Variants in SLC44A4 observed in about 807,000 individuals in gnomAD.
SLC44A4 encodes the protein solute carrier family 44 member 4.
In SLC44A4, 74 loss-of-function variants were observed where a neutral mutation model predicts 97.0. That is an observed-to-expected ratio of 0.76 (90% CI 0.63 to 0.93). The LOEUF (loss-of-function observed/expected upper bound fraction) is 0.93. SLC44A4 is among the 40% of genes least tolerant of loss of function. The pLI, the probability that SLC44A4 is intolerant of heterozygous loss-of-function variation, is 0.00. For missense variants in SLC44A4, 799 were observed against 902.9 expected (o/e 0.88, Z 1.48); for synonymous variants, 325 against 363.8 (o/e 0.89, Z 1.21).
chr6:31,878,993 G>C lies in SLC44A4; in HGVS notation c.-13C>G. ...GCTTTCCCCCCATGGCTCAGTCTCC[G>C]GAGTGATTGGAGCCCTGGAGACCTG... On this transcript the variant is annotated 5_prime_UTR_variant, in exon 1 of 21. Coordinates refer to ENST00000229729, the MANE Select transcript of SLC44A4 (RefSeq NM_025257.3). The surrounding 1 kb of genome is among the most constrained non-coding windows in gnomAD (Gnocchi z 4.0). 3.1e-6 allele frequency: 5 copies of C among 1,612,958 alleles called. No individual in the cohort carries two copies. Among genetic ancestry groups the C allele is most frequent in the Non-Finnish European group, 3.4e-6 (4 of 1,179,822 alleles).
rs993488155 is a variant in SLC44A4 at position 31,878,830 on chromosome 6, G to A, written c.40+111C>T. 3.0e-6 allele frequency: 4 copies of A among 1,314,114 alleles called. No homozygotes were observed. Among genetic ancestry groups the A allele is most frequent in the African/African-American group, 2.9e-5 (2 of 68,890 alleles). The allele number at this position is 1,314,114 out of a possible 1,614,324, so 81.4% of individuals were successfully genotyped here. On this transcript the variant is annotated intron_variant, in intron 1 of 20. Transcript: ENST00000229729. The surrounding 1 kb of genome is among the most constrained non-coding windows in gnomAD (Gnocchi z 4.0). ...CCCGGTTCCCGGGCCCTCCCCTCAGGGACACAGTACTCTCCTTAGTTCCTC... is the reference window on the plus strand; with the variant it reads ...CCCGGTTCCCGGGCCCTCCCCTCAGAGACACAGTACTCTCCTTAGTTCCTC...
Position 31,875,044 on chromosome 6 carries a change from G to C in SLC44A4, c.243-16C>G. On this transcript the variant is annotated splice_polypyrimidine_tract_variant and intron_variant, in intron 4 of 20. Transcript: ENST00000229729. ...CGGCTTATCTCTGTGGGAGGGGAGG[G>C]ACCATGTGCATCAGGGCCTGGTCAG... The C allele has an allele frequency of 8.9e-5, 140 of 1,568,296 alleles. No individual in the cohort carries two copies. Among genetic ancestry groups the C allele is most frequent in the Non-Finnish European group, 1.1e-4 (127 of 1,141,210 alleles).
intron 10 of SLC44A4, 45 bp from the exon 11 acceptor site, chr6:31,870,747 G>A: frequency 7.4e-6 from 12 of 1,611,730 alleles, no homozygotes; most frequent in Non-Finnish European, 1.0e-5. Context: ...GCCAGGGCTG[G>A]GGCCGGGCAT....
rs1321530378 is a variant in SLC44A4 at position 31,877,612 on chromosome 6, C to T, written c.41-530G>A. On this transcript the variant is annotated intron_variant, in intron 1 of 20. Transcript: ENST00000229729. This position sits in a 1 kb window ranked among gnomAD's most constrained non-coding sequence, Gnocchi z 6.5. ...AGAAACTGGAGACAAAGGTGTCAAC[C>T]CCAGCAGGGCCTGGGGAGGGAAGCG... 2 of 987,360 alleles carry T rather than the reference C, an allele frequency of 2.0e-6. No individual in the cohort carries two copies. The highest frequency in any genetic ancestry group is 3.5e-5 in the African/African-American group (2 of 57,260). 61.2% of individuals were successfully genotyped at this position (987,360 alleles called of 1,614,324 possible).
chr6:31,872,462 C>G (rs1763225329), intron 7 of SLC44A4, among the ~76,000 whole-genome samples: 1 of 152,158 alleles, frequency 6.6e-6, no homozygotes, highest in South Asian at 2.1e-4. Context: ...CCTCAAACTC[C>G]TGGGCTCAAG....
chr6:31,871,181 G>T (rs1198123078), intron 9 of SLC44A4, 133 bp downstream of exon 9: 2 of 1,275,944 alleles, frequency 1.6e-6, no homozygotes, highest in Non-Finnish European at 2.3e-6. Context: ...AATCCTGTTG[G>T]TCTTGGAATC....
Position 31,875,020 on chromosome 6 carries a change from G to A in SLC44A4, c.251C>T (p.Pro84Leu), listed in dbSNP as rs371013029. The A allele has an allele frequency of 2.9e-5, 46 of 1,611,848 alleles. No individual in the cohort carries two copies. Among genetic ancestry groups the A allele is most frequent in the African/African-American group, 5.3e-5 (4 of 75,006 alleles). The part of the protein sequence containing the change: ...YCGMGENKDK[P>L]YLLYFNIFSC... The stretch of plus-strand genomic sequence containing the variant: ...GAAGATGTTGAAGTACAGGAGATAC[G>A]GCTTATCTCTGTGGGAGGGGAGGGA... The change falls in exon 5 of 21, where the codon CCG (proline) becomes CTG (leucine). Residue 84 changes from proline (P) to leucine (L), a missense_variant. Physicochemically the swap from Pro to Leu is moderately conservative, Grantham distance 98. This residue lies in a region of SLC44A4 where 409 missense variants were observed against 434.1 expected (regional missense o/e 0.94). Coordinates refer to ENST00000229729, the MANE Select transcript of SLC44A4 (RefSeq NM_025257.3).
rs150135669 is a variant in SLC44A4 at position 31,871,371 on chromosome 6, C to T, written c.644G>A (p.Arg215Gln). ...TTCAAAGATCTTAACACTGATGTCT[C>T]GGGCATTGAGGCTGTCAATAAGACC... ...ISGLIDSLNARDISVKIFEDF... is the reference protein window; with the variant it reads ...ISGLIDSLNAQDISVKIFEDF... Residue 215 changes from arginine to glutamine, a missense_variant, in exon 9 of 21, where the codon CGA becomes CAA. Arg to Gln is a conservative substitution (Grantham distance 43). Coordinates refer to ENST00000229729, the MANE Select transcript of SLC44A4 (RefSeq NM_025257.3). 102 of 1,614,094 alleles carry T rather than the reference C, an allele frequency of 6.3e-5. No homozygotes were observed. The highest frequency in any genetic ancestry group is 5.9e-4 in the African/African-American group (44 of 75,000).
Position 31,864,827 on chromosome 6 carries a change from G to A in SLC44A4, c.1915C>T (p.Leu639=), listed in dbSNP as rs1180081179. ...GGGGAGTCACTCACCATGATGGGCA[G>A]CCAGTAATAGTTGAGGTGGGGGCTC... ...FKSPHLNYYW[L]PIMTSILGAY... The change falls in exon 19 of 21, where the codon CTG becomes TTG. Residue 639 remains leucine, a synonymous_variant. Coordinates refer to ENST00000229729, the MANE Select transcript of SLC44A4 (RefSeq NM_025257.3). The A allele has an allele frequency of 6.2e-7, 1 of 1,613,968 alleles. No individual in the cohort carries two copies. Among genetic ancestry groups the A allele is most frequent in the Non-Finnish European group, 8.5e-7 (1 of 1,179,998 alleles).
At chr6:31,864,510 G>T in intron 20 of SLC44A4, 142 bp downstream of exon 20, 3 of 755,514 alleles carry the variant, frequency 4.0e-6, no homozygotes, top group Non-Finnish European at 6.7e-6. Flanking sequence ...CTGGCCTCAG[G>T]ATGTCACAAG....
chr6:31,866,894 CAA>C (rs760081452), intron 13 of SLC44A4, among the ~76,000 whole-genome samples: 7 of 114,190 alleles, frequency 6.1e-5, no homozygotes, highest in Non-Finnish European at 7.5e-5. Flanking sequence ...AACTCCATCT[CAA>C]AAAAAAAAAA....
chr6:31,871,187 G>A, intron 9 of SLC44A4, 127 bp downstream of exon 9: 1 of 1,276,734 alleles, frequency 7.8e-7, no homozygotes, highest in Non-Finnish European at 1.1e-6. Context: ...GTTGGTCTTG[G>A]AATCCATTCG....
rs1412709975 is a variant in SLC44A4 at position 31,876,843 on chromosome 6, C to G, written c.89+191G>C. Among the ~76,000 whole-genome samples, 1 of 152,152 alleles carries G rather than the reference C, an allele frequency of 6.6e-6. No individual in the cohort carries two copies. Among genetic ancestry groups the G allele is most frequent in the Non-Finnish European group, 1.5e-5 (1 of 68,030 alleles). On this transcript the variant is annotated intron_variant, in intron 2 of 20. Coordinates refer to ENST00000229729, the MANE Select transcript of SLC44A4 (RefSeq NM_025257.3). This position sits in a 1 kb window ranked among gnomAD's most constrained non-coding sequence, Gnocchi z 4.8. ...CACTTAAGTCAAGAAACAGAACATC[C>G]CCCCAGAACTGGGAAGCCCTCGATG... is the stretch of plus-strand genomic sequence containing the variant.
Position 31,878,767 on chromosome 6 carries a change from T to A in SLC44A4, c.40+174A>T, listed in dbSNP as rs151278309. 8.1e-3 allele frequency among the ~76,000 whole-genome samples: 1,221 copies of A among 151,216 alleles called. 7 individuals carry two copies. Among genetic ancestry groups the A allele is most frequent in the Non-Finnish European group, 0.011 (769 of 67,748 alleles). On this transcript the variant is annotated intron_variant, in intron 1 of 20. Transcript: ENST00000229729. This position sits in a 1 kb window ranked among gnomAD's most constrained non-coding sequence, Gnocchi z 4.0. ...CAACAGCCCCAGCCCCCGGGCCCCATCCTCCTCCCAGGACCCTGACTCCCT... is the reference window on the plus strand; with the variant it reads ...CAACAGCCCCAGCCCCCGGGCCCCAACCTCCTCCCAGGACCCTGACTCCCT...
rs760497791 is a variant in SLC44A4 at position 31,869,135 on chromosome 6, T to G, written c.1233+20A>C. ...CTCACCCCTACTAGTCCCGCCTCCATGTCCCCTGCTTCCTCTTACCGTGGG... is the reference window on the plus strand; with the variant it reads ...CTCACCCCTACTAGTCCCGCCTCCAGGTCCCCTGCTTCCTCTTACCGTGGG... On this transcript the variant is annotated intron_variant, in intron 13 of 20. Coordinates refer to ENST00000229729, the MANE Select transcript of SLC44A4 (RefSeq NM_025257.3). 1.9e-6 allele frequency: 3 copies of G among 1,586,344 alleles called. No homozygotes were observed. Among genetic ancestry groups the G allele is most frequent in the Non-Finnish European group, 2.6e-6 (3 of 1,164,852 alleles).
In SLC44A4 at chr6:31,864,753, G is replaced by A. The variant is rs765344034; in HGVS notation, c.1927-17C>T. 22 of 1,613,926 alleles carry A rather than the reference G, an allele frequency of 1.4e-5. No individual in the cohort carries two copies. Among genetic ancestry groups the A allele is most frequent in the South Asian group, 1.1e-4 (10 of 91,088 alleles). ...GATGGAGGTCTGGAAGACATGACCC[G>A]TTGGGGTTATTGGGTTCCTCTGGGG... is the stretch of plus-strand genomic sequence containing the variant. On this transcript the variant is annotated splice_polypyrimidine_tract_variant and intron_variant, in intron 19 of 20. Coordinates refer to ENST00000229729, the MANE Select transcript of SLC44A4 (RefSeq NM_025257.3).
chr6:31,870,574 C>A, intron 11 of SLC44A4, 29 bp downstream of exon 11: 1 of 1,552,840 alleles, frequency 6.4e-7, no homozygotes, highest in Non-Finnish European at 8.7e-7. Flanking sequence ...CTGTCCTCAA[C>A]CCCATCTCCC....
At position 31,865,255 on chromosome 6, in the gene SLC44A4, GC is replaced by G. The variant is rs1762785006; in HGVS notation, c.1760+59del. 1.3e-6 allele frequency: 2 copies of G among 1,593,220 alleles called. No individual in the cohort carries two copies. The highest frequency in any genetic ancestry group is 3.3e-5 in the Admixed American group (2 of 59,990). On this transcript the variant is annotated intron_variant, in intron 17 of 20. Coordinates refer to ENST00000229729, the MANE Select transcript of SLC44A4 (RefSeq NM_025257.3). The surrounding 1 kb of genome is among the most constrained non-coding windows in gnomAD (Gnocchi z 5.2). ...CGACTGAGCACAGCACACCCACGAA[GC>G]CAGCCTTGGGTGGGAGATCAGAGGA... is the stretch of plus-strand genomic sequence containing the variant.
At chr6:31,864,345 G>T in intron 20 of SLC44A4, 1 of 490,472 alleles carries the variant, frequency 2.0e-6, no homozygotes, top group South Asian at 2.5e-5. Context: ...CAAAGTGCTG[G>T]CATGACAGGC....
Sources: gnomAD v4.1 joint callset for allele counts (sites outside exome capture counted in the v4.1 genomes callset) on GRCh38, gnomAD v4.1.1 for gene constraint, gnomAD v4.1.1 regional missense constraint, Gnocchi (gnomAD v3.1) non-coding constraint, MANE v1.5 for transcripts, NCBI Gene and HGNC (gene_info 2026-07-23, HGNC 2026-07-21) for gene names.